The following KRT83 variants were observed in gnomAD, a reference collection of about 807,000 sequenced individuals.
KRT83 encodes the protein keratin 83.
A neutral mutation model predicts 52.9 loss-of-function variants in KRT83; 51 were observed. The observed-to-expected ratio is 0.96, with a 90% CI of 0.77 to 1.22. The LOEUF (loss-of-function observed/expected upper bound fraction) is 1.22. KRT83 is among the 50% of genes most tolerant of loss of function. KRT83 has a pLI of 0.00. For missense variants in KRT83, 654 were observed against 666.5 expected (o/e 0.98, Z 0.21); for synonymous variants, 278 against 274.1 (o/e 1.01, Z -0.14).
Position 52,315,357 on chromosome 12 carries a change from A to G in KRT83, c.1263-14T>C. 1 of 1,613,262 alleles carries G rather than the reference A, an allele frequency of 6.2e-7. No individual in the cohort carries two copies. The highest frequency in any genetic ancestry group is 8.5e-7 in the Non-Finnish European group (1 of 1,179,368). On this transcript the variant is annotated splice_polypyrimidine_tract_variant and intron_variant, in intron 7 of 8. Transcript: ENST00000293670. The stretch of plus-strand genomic sequence containing the variant: ...CCTTCACACAGCCTGAGTGGGGAAA[A>G]AGTAAGGAAGGGGAAGATAAAAGAA...
chr12:52,318,403 G>T (rs1938721147), intron 2 of KRT83, among the ~76,000 whole-genome samples: 1 of 152,104 alleles, frequency 6.6e-6, no homozygotes, highest in Admixed American at 6.6e-5. Context: ...GTGTGTGAAT[G>T]TGTGTGGTTG....
intron 1 of KRT83, among the ~76,000 whole-genome samples, chr12:52,319,852 G>A (rs1938743680): frequency 6.6e-6 from 1 of 152,150 alleles, no homozygotes; most frequent in South Asian, 2.1e-4. Context: ...CAACAACAAT[G>A]CAATTAGAAT....
Position 52,314,756 on chromosome 12 carries a change from C to A in KRT83, c.1357G>T (p.Val453Leu). The change falls in exon 9 of 9, where the codon GTG becomes TTG. Residue 453 changes from valine to leucine, a missense_variant. By Grantham distance (32) the Val-to-Leu change is conservative. Transcript: ENST00000293670. ...GDLCVSGSRP[V>L]TGSVCSAPCN... ...GGGGCACTGCAGACGCTGCCCGTCA[C>A]CGGCCGGGAGCCCGACACGCAGAGA... 6.2e-7 allele frequency: 1 copy of A among 1,601,968 alleles called. No individual in the cohort carries two copies. The highest frequency in any genetic ancestry group is 8.5e-7 in the Non-Finnish European group (1 of 1,174,984).
intron 8 of KRT83, 106 bp downstream of exon 8, chr12:52,315,206 G>A (rs1938667559): frequency 1.7e-6 from 2 of 1,192,478 alleles, no homozygotes; most frequent in Admixed American, 3.4e-5. Flanking sequence ...CTCTTTACTG[G>A]GGGAATTATT....
At chr12:52,319,441 C>T in intron 1 of KRT83, 77 bp from the exon 2 acceptor site, 1 of 1,587,428 alleles carries the variant, frequency 6.3e-7, no homozygotes, top group Non-Finnish European at 8.6e-7. Flanking sequence ...GCACGAGGGC[C>T]TGAAAGCCCC....
intron 8 of KRT83, 101 bp from the exon 9 acceptor site, chr12:52,314,919 T>G (rs1248657917): frequency 4.2e-6 from 5 of 1,192,094 alleles, no homozygotes; most frequent in Non-Finnish European, 6.1e-6. Context: ...CAGGGAAGGA[T>G]GCAAAGAGCC....
intron 8 of KRT83, 111 bp downstream of exon 8, chr12:52,315,201 T>C: frequency 8.6e-7 from 1 of 1,161,710 alleles, no homozygotes; most frequent in East Asian, 2.3e-5. Flanking sequence ...CTATCCTCTT[T>C]ACTGGGGGAA....
Position 52,317,129 on chromosome 12 carries a change from A to G in KRT83, c.751-106T>C, listed in dbSNP as rs2852462. 0.41 allele frequency: 594,953 copies of G among 1,449,186 alleles called. 123,986 individuals carry two copies. Among genetic ancestry groups the G allele is most frequent in the African/African-American group, 0.49 (34,885 of 71,426 alleles). 89.8% of individuals were successfully genotyped at this position (1,449,186 alleles called of 1,614,324 possible). On this transcript the variant is annotated intron_variant, in intron 4 of 8. Transcript: ENST00000293670. ...CATCGGGAGTGAACTTCTCATGTTT[A>G]GAGAAACAAACCTGATGAAATCACA...
intron 1 of KRT83, 133 bp from the exon 2 acceptor site, chr12:52,319,497 C>A (rs1478703539): frequency 7.6e-7 from 1 of 1,320,834 alleles, no homozygotes; most frequent in African/African-American, 1.5e-5. Flanking sequence ...TATGTCATCT[C>A]TCTCAAAAAT....
chr12:52,320,086 T>C (rs1251540643), intron 1 of KRT83, among the ~76,000 whole-genome samples: 1 of 152,216 alleles, frequency 6.6e-6, no homozygotes, highest in Non-Finnish European at 1.5e-5. Flanking sequence ...CTCAGCTTCT[T>C]TTGTCTAATA....
rs774321223 is a variant in KRT83, at chr12:52,316,521, G to A, written c.988C>T (p.Leu330=). The A allele has an allele frequency of 2.5e-6, 4 of 1,614,028 alleles. No homozygotes were observed. The highest frequency in any genetic ancestry group is 3.4e-6 in the Non-Finnish European group (4 of 1,180,038). ...LRRTKEEINE[L]NRMIQRLTAE... ...GTCAGCCTCTGGATCATGCGGTTCA[G>A]CTCGTTGATCTCCTCCTTGGTGCGG... The change falls in exon 6 of 9, where the codon CTG becomes TTG. Residue 330 remains leucine, a synonymous_variant. Transcript: ENST00000293670.
Position 52,319,244 on chromosome 12 carries a change from G to A in KRT83, c.505C>T (p.Arg169Trp), listed in dbSNP as rs749213363. The A allele has an allele frequency of 4.0e-5, 65 of 1,613,772 alleles. No homozygotes were observed. The Admixed American group carries it at 9.2e-4, about 23-fold the overall frequency. Reference sequence around the variant, plus strand: ...TCAGCCTCCACGCACTCGGCCTCCCGCCGCAGAGTCTCGATGTAGCCAGCA... The same window carrying A: ...TCAGCCTCCACGCACTCGGCCTCCCACCGCAGAGTCTCGATGTAGCCAGCA... Reference protein sequence around the residue: ...LFAGYIETLRREAECVEADSG... With the variant: ...LFAGYIETLRWEAECVEADSG... The change falls in exon 2 of 9, where the codon CGG becomes TGG. Residue 169 changes from arginine (R) to tryptophan (W), a missense_variant. Arg to Trp is a moderately radical substitution (Grantham distance 101). Coordinates refer to ENST00000293670, the MANE Select transcript of KRT83 (RefSeq NM_002282.3).
chr12:52,320,396 G>A (rs1938751464), intron 1 of KRT83, among the ~76,000 whole-genome samples: 1 of 152,138 alleles, frequency 6.6e-6, no homozygotes. Context: ...AACCCAGACT[G>A]TGCACTGCCT....
At chr12:52,320,055 T>A (rs1186839303) in intron 1 of KRT83, among the ~76,000 whole-genome samples, 1 of 152,214 alleles carries the variant, frequency 6.6e-6, no homozygotes, top group African/African-American at 2.4e-5. Flanking sequence ...CTCCCAGCGA[T>A]GAGGTTGGCC....
Position 52,316,847 on chromosome 12 carries a change from T to C in KRT83, c.915+12A>G. ...TGCCATGTCTAGCAGGCAGGTGTCC[T>C]GTGCCGCTCACCTTGCTGCGATACC... On this transcript the variant is annotated intron_variant, in intron 5 of 8. Transcript: ENST00000293670. The C allele has an allele frequency of 6.2e-7, 1 of 1,614,174 alleles. No individual in the cohort carries two copies. Among genetic ancestry groups the C allele is most frequent in the Non-Finnish European group, 8.5e-7 (1 of 1,180,022 alleles).
rs756881584 is a variant in KRT83, at chr12:52,321,291, T to C, written c.45A>G (p.Gly15=). The change falls in exon 1 of 9, where the codon GGA becomes GGG. Residue 15 remains glycine, a synonymous_variant. Transcript: ENST00000293670. ...CGCAGGCAGAGACACAGCTGAAGTT[T>C]CCAGGGCGGAACCCACAGCCTATGG... ...FNSIGCGFRP[G]NFSCVSACGP... 1.1e-5 allele frequency: 18 copies of C among 1,613,488 alleles called. No individual in the cohort carries two copies. The highest frequency in any genetic ancestry group is 1.4e-5 in the Non-Finnish European group (17 of 1,180,038).
In KRT83 at chr12:52,314,605, G is replaced by T; in HGVS notation, c.*26C>A. On this transcript the variant is annotated 3_prime_UTR_variant, in exon 9 of 9. Transcript: ENST00000293670. ...GTGGCACGTCTGGCAGGCAGAAGGG[G>T]CTCCCCTGGCTCTCTTTTGGGCCAC... 1 of 1,549,174 alleles carries T rather than the reference G, an allele frequency of 6.5e-7. No individual in the cohort carries two copies. Among genetic ancestry groups the T allele is most frequent in the Non-Finnish European group, 8.7e-7 (1 of 1,145,352 alleles).
At position 52,317,931 on chromosome 12, in the gene KRT83, G is replaced by T. The variant is rs140012906; in HGVS notation, c.633C>A (p.Asn211Lys). The T allele has an allele frequency of 1.9e-6, 3 of 1,614,106 alleles. No homozygotes were observed. In the South Asian group the frequency reaches 3.3e-5, roughly 18 times the overall value. Reference protein sequence around the residue: ...EEVALRATAENEFVALKKDVD... With the variant: ...EEVALRATAEKEFVALKKDVD... ...TCACCTTCTTTAGAGCCACAAACTC[G>T]TTCTCTGCTGTGGCTCGAAGTGCTA... The change falls in exon 3 of 9, where the codon AAC becomes AAA. Residue 211 changes from asparagine to lysine, a missense_variant. Transcript: ENST00000293670.
At chr12:52,316,374 C>G in intron 6 of KRT83, 94 bp downstream of exon 6, 1 of 1,571,838 alleles carries the variant, frequency 6.4e-7, no homozygotes, top group South Asian at 1.1e-5. Flanking sequence ...TGAGACTGCA[C>G]TGGGAAGACT....
Sources: gnomAD v4.1 joint callset for allele counts (sites outside exome capture counted in the v4.1 genomes callset) on GRCh38, gnomAD v4.1.1 for gene constraint, MANE v1.5 for transcripts, NCBI Gene and HGNC (gene_info 2026-07-23, HGNC 2026-07-21) for gene names.